M1AP: variants seen among roughly 807,000 people sequenced by gnomAD.
M1AP encodes the protein meiosis 1 arrest protein.
In M1AP, 39 loss-of-function variants were observed where a neutral mutation model predicts 51.2. The ratio of observed to expected loss-of-function variants is 0.76; its 90% CI spans 0.59 to 1.00. The LOEUF (loss-of-function observed/expected upper bound fraction) is 1.00, where lower values mean the gene tolerates loss of function less well. Among genes scored for constraint, M1AP ranks in the 50% least tolerant of loss-of-function variants. M1AP has a pLI of 0.00. For missense variants in M1AP, 545 were observed against 641.2 expected, an observed-to-expected ratio of 0.85 and a Z score of 1.62; for synonymous variants, 251 against 249.2, an observed-to-expected ratio of 1.01 and a Z score of -0.07.
intron 2 of M1AP, among the ~76,000 whole-genome samples, chr2:74,639,332 G>A (rs545514254): frequency 8.5e-5 from 13 of 152,226 alleles, no homozygotes; most frequent in African/African-American, 2.4e-4. Flanking sequence ...ATTTGATAAC[G>A]TATATTAGCA....
chr2:74,561,749 A>C (rs1678028655), intron 8 of M1AP, among the ~76,000 whole-genome samples: 1 of 152,058 alleles, frequency 6.6e-6, no homozygotes, highest in Non-Finnish European at 1.5e-5. Context: ...AAACCAAACC[A>C]AACAAGCGTC....
intron 2 of M1AP, among the ~76,000 whole-genome samples, chr2:74,638,093 CACCCAGGCTGGAGTGCAGTGGCGCG>C (rs1683085116): frequency 6.6e-6 from 1 of 151,076 alleles, no homozygotes; most frequent in African/African-American, 2.4e-5. Flanking sequence ...CTTGCTCTGT[CACCCAGGCTGGAGTGCAGTGGCGCG>C]ACCTCGGCTC....
intron 3 of M1AP, among the ~76,000 whole-genome samples, chr2:74,609,683 A>T (rs1393488733): frequency 2.0e-5 from 3 of 152,226 alleles, no homozygotes; most frequent in African/African-American, 7.2e-5. Context: ...CCAAAAATGT[A>T]AGGAGGGTCC....
chr2:74,639,309 A>G (rs2104837420), intron 2 of M1AP, among the ~76,000 whole-genome samples: 2 of 152,386 alleles, frequency 1.3e-5, no homozygotes, highest in East Asian at 3.8e-4. Flanking sequence ...AATCTTAAAT[A>G]AGACTTATAT....
At chr2:74,636,008 TG>T (rs1682970163) in intron 2 of M1AP, among the ~76,000 whole-genome samples, 1 of 152,122 alleles carries the variant, frequency 6.6e-6, no homozygotes, top group Non-Finnish European at 1.5e-5. Context: ...TGTTGGCTGA[TG>T]TTTTTCTATA....
At chr2:74,604,076 T>C (rs970594247) in intron 4 of M1AP, among the ~76,000 whole-genome samples, 4 of 152,218 alleles carry the variant, frequency 2.6e-5, no homozygotes, top group African/African-American at 9.6e-5. Context: ...ACTTCCTGAC[T>C]AAAATATTTT....
intron 2 of M1AP, among the ~76,000 whole-genome samples, chr2:74,637,546 A>G (rs1683054888): frequency 6.6e-6 from 1 of 152,202 alleles, no homozygotes; most frequent in South Asian, 2.1e-4. Context: ...ATTTCTATAA[A>G]TATTCTTGAG....
At chr2:74,616,794 T>TCTCTTAATAATTGGAAATATTC (rs1681692889) in intron 2 of M1AP, among the ~76,000 whole-genome samples, 1 of 152,236 alleles carries the variant, frequency 6.6e-6, no homozygotes, top group African/African-American at 2.4e-5. Flanking sequence ...TGGAAATGTT[T>TCTCTTAATAATTGGAAATATTC]CTCTTAATAA....
Position 74,558,622 on chromosome 2 carries a change from G to T in M1AP, c.*94C>A. 6.8e-7 allele frequency: 1 copy of T among 1,461,328 alleles called. No homozygotes were observed. Among genetic ancestry groups the T allele is most frequent in the Non-Finnish European group, 9.4e-7 (1 of 1,064,006 alleles). The allele number at this position is 1,461,328 out of a possible 1,614,324, so 90.5% of individuals were successfully genotyped here. ...TCAGCCCTCACTCACAGAGGCTCAG[G>T]CGGATAGAGAGCAAGTCTGACCACA... is the stretch of plus-strand genomic sequence containing the variant. On this transcript the variant is annotated 3_prime_UTR_variant, in exon 11 of 11. Transcript: ENST00000421985.
chr2:74,566,194 C>T (rs1678372455), intron 7 of M1AP, among the ~76,000 whole-genome samples: 1 of 152,184 alleles, frequency 6.6e-6, no homozygotes, highest in Admixed American at 6.5e-5. Context: ...CGTGTGTCAA[C>T]ATCCTGGCCC....
chr2:74,602,920 C>T (rs1323131663), intron 4 of M1AP, among the ~76,000 whole-genome samples: 1 of 152,210 alleles, frequency 6.6e-6, no homozygotes, highest in East Asian at 1.9e-4. Flanking sequence ...AGGCATCAGG[C>T]AGCCTTAGTG....
chr2:74,617,162 A>G (rs1313240743), intron 2 of M1AP, among the ~76,000 whole-genome samples: 3 of 152,226 alleles, frequency 2.0e-5, no homozygotes, highest in Non-Finnish European at 2.9e-5. Flanking sequence ...TACATTTTAT[A>G]TACAAAAATG....
intron 7 of M1AP, among the ~76,000 whole-genome samples, chr2:74,567,057 C>T (rs1229745851): frequency 6.6e-6 from 1 of 152,054 alleles, no homozygotes; most frequent in African/African-American, 2.4e-5. Context: ...GACTATACAG[C>T]AAGATTTGGT....
intron 5 of M1AP, among the ~76,000 whole-genome samples, chr2:74,578,379 G>A (rs1414727509): frequency 6.6e-6 from 1 of 152,174 alleles, no homozygotes; most frequent in Non-Finnish European, 1.5e-5. Context: ...TTTACATGAG[G>A]TATTTCTCCT....
chr2:74,587,827 C>T (rs2104616664), intron 4 of M1AP, among the ~76,000 whole-genome samples: 2 of 152,306 alleles, frequency 1.3e-5, no homozygotes, highest in South Asian at 4.1e-4. Context: ...CTGCAGCCAG[C>T]ATTCACATTG....
chr2:74,561,758 T>A (rs1264111175), intron 8 of M1AP, among the ~76,000 whole-genome samples: 1 of 152,020 alleles, frequency 6.6e-6, no homozygotes, highest in African/African-American at 2.4e-5. Flanking sequence ...CAAACAAGCG[T>A]CCAGTGCATC....
At chr2:74,593,815 TAA>T (rs1167567564) in intron 4 of M1AP, among the ~76,000 whole-genome samples, 1 of 152,176 alleles carries the variant, frequency 6.6e-6, no homozygotes, top group Non-Finnish European at 1.5e-5. Context: ...TTGCACTTTC[TAA>T]GAGTGGCTGC....
At chr2:74,627,810 C>T (rs989383748) in intron 2 of M1AP, among the ~76,000 whole-genome samples, 3 of 152,202 alleles carry the variant, frequency 2.0e-5, no homozygotes, top group Non-Finnish European at 4.4e-5. Context: ...TAAGAAATTT[C>T]TCCATGAAGT....
intron 2 of M1AP, among the ~76,000 whole-genome samples, chr2:74,625,938 G>A (rs1368863439): frequency 2.6e-5 from 4 of 152,150 alleles, no homozygotes; most frequent in Non-Finnish European, 5.9e-5. Flanking sequence ...TACGTATTCT[G>A]GGCATCCTGC....
Sources: allele counts gnomAD v4.1 joint callset (sites outside exome capture counted in the v4.1 genomes callset), GRCh38; gene constraint gnomAD v4.1.1; transcripts MANE v1.5; gene names NCBI Gene and HGNC (gene_info 2026-07-23, HGNC 2026-07-21).